Variants in PACSIN1 observed in about 807,000 individuals in gnomAD.
PACSIN1 encodes the protein protein kinase C and casein kinase substrate in neurons protein 1.
A neutral mutation model predicts 59.5 loss-of-function variants in PACSIN1; 15 were observed. That is an observed-to-expected ratio of 0.25 (90% CI 0.17 to 0.39). The LOEUF (loss-of-function observed/expected upper bound fraction) is 0.39. Among genes scored for constraint, PACSIN1 ranks in the 10% least tolerant of loss-of-function variants. The probability of loss-of-function intolerance (pLI) is 1.00; values close to 1 mark genes in which losing one functional copy is unlikely to be tolerated. For synonymous variants in PACSIN1, 210 were observed against 220.6 expected, an observed-to-expected ratio of 0.95 and a Z score of 0.42; for missense variants, 420 against 580.2, an observed-to-expected ratio of 0.72 and a Z score of 2.84.
intron 1 of PACSIN1, among the ~76,000 whole-genome samples, chr6:34,487,907 T>C (rs1169330467): frequency 1.3e-5 from 2 of 152,298 alleles, no homozygotes; most frequent in East Asian, 3.9e-4. Context: ...CCCCTCATGC[T>C]ACTTGGAAAT....
At chr6:34,513,744 C>T (rs1345400595) in intron 1 of PACSIN1, among the ~76,000 whole-genome samples, 5 of 151,988 alleles carry the variant, frequency 3.3e-5, no homozygotes, top group Admixed American at 6.5e-5. Context: ...GGAGGGTGGG[C>T]CCTGTCTCCA....
rs1427342957 is a variant in PACSIN1, at chr6:34,533,121, G to A, written c.*591G>A. ...AGGAACGGTCACCCTCCTCCCCCATGGAGGTTTCCAGGGGTCCCCCAGACA... is the reference window on the plus strand; with the variant it reads ...AGGAACGGTCACCCTCCTCCCCCATAGAGGTTTCCAGGGGTCCCCCAGACA... On this transcript the variant is annotated 3_prime_UTR_variant, in exon 10 of 10. Coordinates refer to ENST00000244458, the MANE Select transcript of PACSIN1 (RefSeq NM_020804.5). 1 of 152,408 alleles carries A rather than the reference G, an allele frequency of 6.6e-6. No individual in the cohort carries two copies. Among genetic ancestry groups the A allele is most frequent in the African/African-American group, 2.4e-5 (1 of 41,460 alleles). 9.4% of individuals were successfully genotyped at this position (152,408 alleles called of 1,614,324 possible).
intron 1 of PACSIN1, among the ~76,000 whole-genome samples, chr6:34,523,727 G>A (rs1050349294): frequency 3.9e-5 from 6 of 152,224 alleles, no homozygotes; most frequent in Admixed American, 3.9e-4. Flanking sequence ...GAAGGACATG[G>A]CGTTTGTCCA....
At position 34,530,540 on chromosome 6, in the gene PACSIN1, T is replaced by C. The variant is rs749744822; in HGVS notation, c.990T>C (p.Asn330=). ...PKKAEGVALT[N]ATGAVESTSQ... Reference sequence around the variant, plus strand: ...AGGCAGAGGGAGTGGCGCTGACCAATGCCACTGGGGCGGTAGAGTCCACAT... The same window carrying C: ...AGGCAGAGGGAGTGGCGCTGACCAACGCCACTGGGGCGGTAGAGTCCACAT... Residue 330 remains asparagine (N), a synonymous_variant, in exon 8 of 10, where the codon AAT becomes AAC. Transcript: ENST00000244458. This position sits in a 1 kb window ranked among gnomAD's most constrained non-coding sequence, Gnocchi z 4.4. 1 of 1,607,814 alleles carries C rather than the reference T, an allele frequency of 6.2e-7. No homozygotes were observed.
intron 1 of PACSIN1, among the ~76,000 whole-genome samples, chr6:34,473,875 C>A (rs1766604217): frequency 6.6e-6 from 1 of 152,186 alleles, no homozygotes; most frequent in South Asian, 2.1e-4. Context: ...CTTTTTCTAA[C>A]ACAATCACAA....
chr6:34,517,172 C>T (rs749655053), intron 1 of PACSIN1, among the ~76,000 whole-genome samples: 5 of 152,196 alleles, frequency 3.3e-5, no homozygotes, highest in Non-Finnish European at 7.3e-5. Context: ...CTCATCTCAC[C>T]GCCACATCCA....
chr6:34,502,239 G>A (rs374296891), intron 1 of PACSIN1, among the ~76,000 whole-genome samples: 1 of 152,044 alleles, frequency 6.6e-6, no homozygotes, highest in East Asian at 1.9e-4. Flanking sequence ...ACAGGTAGAG[G>A]TTTGACAGAG....
chr6:34,500,156 C>T (rs1767003207), intron 1 of PACSIN1, among the ~76,000 whole-genome samples: 1 of 152,116 alleles, frequency 6.6e-6, no homozygotes. Context: ...AAAAGATGTT[C>T]AACATCTCTG....
At chr6:34,486,773 A>T (rs1766800565) in intron 1 of PACSIN1, among the ~76,000 whole-genome samples, 1 of 150,382 alleles carries the variant, frequency 6.6e-6, no homozygotes, top group Non-Finnish European at 1.5e-5. Flanking sequence ...GCGAGTTGGG[A>T]CAGTGCCTCT....
rs1177797976 is a variant in PACSIN1 at position 34,521,573 on chromosome 6, G to A, written c.-63-4670G>A. 6.6e-6 allele frequency among the ~76,000 whole-genome samples: 1 copy of A among 152,182 alleles called. No homozygotes were observed. Among genetic ancestry groups the A allele is most frequent in the Non-Finnish European group, 1.5e-5 (1 of 68,034 alleles). ...CACATCTCACTGGTAGTAGTTGGGT[G>A]AGCTGGCTCCAGAGCCCTGCACCCC... On this transcript the variant is annotated intron_variant, in intron 1 of 9. Transcript: ENST00000244458. The surrounding 1 kb of genome is among the most constrained non-coding windows in gnomAD (Gnocchi z 4.3).
Position 34,529,327 on chromosome 6 carries a change from G to C in PACSIN1, c.457-70G>C, listed in dbSNP as rs1767546581. 10 of 1,532,872 alleles carry C rather than the reference G, an allele frequency of 6.5e-6. No individual in the cohort carries two copies. The highest frequency in any genetic ancestry group is 9.0e-6 in the Non-Finnish European group (10 of 1,112,704). 95.0% of individuals were successfully genotyped at this position (1,532,872 alleles called of 1,614,324 possible). ...GTCCCAGGGAGTGGGCAGGGGAGGAGTTAATGGGTGACCATGTTTGCTGCT... is the reference window on the plus strand; with the variant it reads ...GTCCCAGGGAGTGGGCAGGGGAGGACTTAATGGGTGACCATGTTTGCTGCT... On this transcript the variant is annotated intron_variant, in intron 4 of 9. Transcript: ENST00000244458. The surrounding 1 kb of genome is among the most constrained non-coding windows in gnomAD (Gnocchi z 6.3).
At chr6:34,476,297 C>T (rs1019878531) in intron 1 of PACSIN1, among the ~76,000 whole-genome samples, 1 of 152,216 alleles carries the variant, frequency 6.6e-6, no homozygotes, top group Non-Finnish European at 1.5e-5. Context: ...TAAGCTGAGG[C>T]TACAGAGGGA....
At chr6:34,469,802 A>G (rs1766546957) in intron 1 of PACSIN1, among the ~76,000 whole-genome samples, 1 of 152,136 alleles carries the variant, frequency 6.6e-6, no homozygotes. Context: ...GTTGGGAGGA[A>G]CCCAGAGGTG....
intron 1 of PACSIN1, among the ~76,000 whole-genome samples, chr6:34,496,692 T>C (rs761225778): frequency 3.3e-5 from 5 of 152,192 alleles, no homozygotes; most frequent in African/African-American, 7.2e-5. Context: ...ACAAATGAAA[T>C]GGTTAGACCA....
chr6:34,503,951 T>G (rs1006440021), intron 1 of PACSIN1, among the ~76,000 whole-genome samples: 14 of 152,170 alleles, frequency 9.2e-5, no homozygotes, highest in African/African-American at 3.1e-4. Context: ...TGAATTTAGA[T>G]TTGCCTGTCC....
chr6:34,487,552 C>A (rs1054888570), intron 1 of PACSIN1, among the ~76,000 whole-genome samples: 6 of 152,128 alleles, frequency 3.9e-5, no homozygotes, highest in African/African-American at 7.2e-5. Flanking sequence ...AGGTTGCTCT[C>A]GGAATCAACA....
In PACSIN1 at chr6:34,532,407, G is replaced by A. The variant is rs1252122636; in HGVS notation, c.1226-14G>A. On this transcript the variant is annotated splice_polypyrimidine_tract_variant and intron_variant, in intron 9 of 9. Transcript: ENST00000244458. This position sits in a 1 kb window ranked among gnomAD's most constrained non-coding sequence, Gnocchi z 5.2. The stretch of plus-strand genomic sequence containing the variant: ...GCCTTCTCTCTGAGCCCCTCCCTGT[G>A]TTCTCTTTCCCAGGAGACGAACTCA... 1.8e-5 allele frequency: 28 copies of A among 1,545,486 alleles called. No individual in the cohort carries two copies. Among genetic ancestry groups the A allele is most frequent in the Non-Finnish European group, 2.5e-5 (28 of 1,139,432 alleles).
At chr6:34,503,169 G>A (rs1371445649) in intron 1 of PACSIN1, among the ~76,000 whole-genome samples, 3 of 151,774 alleles carry the variant, frequency 2.0e-5, no homozygotes, top group Non-Finnish European at 4.4e-5. Context: ...TCTGGAGGCT[G>A]TCCGTAGGAG....
In PACSIN1 at chr6:34,518,855, A is replaced by G. The variant is rs1767338208; in HGVS notation, c.-63-7388A>G. Among the ~76,000 whole-genome samples the G allele has an allele frequency of 6.6e-6, 1 of 152,222 alleles. No individual in the cohort carries two copies. Among genetic ancestry groups the G allele is most frequent in the Admixed American group, 6.5e-5 (1 of 15,284 alleles). On this transcript the variant is annotated intron_variant, in intron 1 of 9. Coordinates refer to ENST00000244458, the MANE Select transcript of PACSIN1 (RefSeq NM_020804.5). The surrounding 1 kb of genome is among the most constrained non-coding windows in gnomAD (Gnocchi z 4.4). The stretch of plus-strand genomic sequence containing the variant: ...TTGCCCATGCTGGAATGTAAGCTCC[A>G]TGAGGGAAGGGCTGGTCTTACTCCC...
Sources: allele counts gnomAD v4.1 joint callset (sites outside exome capture counted in the v4.1 genomes callset), GRCh38; gene constraint gnomAD v4.1.1; non-coding constraint Gnocchi (gnomAD v3.1); transcripts MANE v1.5; gene names NCBI Gene and HGNC (gene_info 2026-07-23, HGNC 2026-07-21).